The following BLTP1 variants were observed in gnomAD, a reference collection of about 807,000 sequenced individuals.
BLTP1 encodes the protein bridge-like lipid transfer protein family member 1.
chr4:122,253,079 T>G, the BLTP1 span, among the ~76,000 whole-genome samples: 67 of 152,290 alleles, frequency 4.4e-4, 2 homozygotes, highest in East Asian at 9.7e-3. Flanking sequence ...GCAAGAACAG[T>G]GATACAGGGC....
chr4:122,247,785 T>C, the BLTP1 span: 1 of 997,794 alleles, frequency 1.0e-6, no homozygotes, highest in Admixed American at 5.4e-5. Flanking sequence ...ACAGCAGCAA[T>C]AAGGTGACAC....
At chr4:122,295,493 A>G in the BLTP1 span, among the ~76,000 whole-genome samples, 70 of 152,150 alleles carry the variant, frequency 4.6e-4, no homozygotes, top group Admixed American at 2.1e-3. Flanking sequence ...CCAACCTAGA[A>G]TTTCACATCT....
At chr4:122,269,118 A>G in the BLTP1 span, 1 of 944,794 alleles carries the variant, frequency 1.1e-6, no homozygotes, top group African/African-American at 1.8e-5. Context: ...AGCTAAATTT[A>G]TATTTAAATT....
chr4:122,349,098 C>A, the BLTP1 span: 33 of 1,361,790 alleles, frequency 2.4e-5, no homozygotes, highest in Non-Finnish European at 3.1e-5. This position sits in a 1 kb window ranked among gnomAD's most constrained non-coding sequence, Gnocchi z 4.5. Context: ...TAATTTAAAT[C>A]CTGTTTTAAT....
chr4:122,219,208 C>T, the BLTP1 span: 2 of 1,444,270 alleles, frequency 1.4e-6, no homozygotes, highest in Non-Finnish European at 1.8e-6. Flanking sequence ...TATTTTAAGA[C>T]AATAGGCCTG....
chr4:122,251,582 A>G, the BLTP1 span: 1 of 985,120 alleles, frequency 1.0e-6, no homozygotes, highest in East Asian at 1.1e-4. Flanking sequence ...CACTGGACAA[A>G]AGAGCTGAGA....
the BLTP1 span, chr4:122,203,779 T>C: frequency 3.9e-5 from 18 of 457,234 alleles, no homozygotes; most frequent in African/African-American, 6.3e-5. Context: ...TTTAAATTAG[T>C]TATTAAAGAA....
At chr4:122,215,815 G>A in the BLTP1 span, among the ~76,000 whole-genome samples, 1,037 of 148,338 alleles carry the variant, frequency 7.0e-3, 11 homozygotes, top group African/African-American at 0.025. Flanking sequence ...TATACTCAAC[G>A]TGTAGTCTTT....
At chr4:122,226,726 G>A in the BLTP1 span, 1 of 1,613,454 alleles carries the variant, frequency 6.2e-7, no homozygotes, top group South Asian at 1.1e-5. Flanking sequence ...CTCTTGGAGT[G>A]GGGACAGACA....
the BLTP1 span, chr4:122,343,869 GATTA>G: frequency 1.3e-6 from 1 of 758,584 alleles, no homozygotes; most frequent in East Asian, 1.3e-4. Flanking sequence ...GGATATCAGA[GATTA>G]CTTATGTTAT....
At chr4:122,230,085 A>G in the BLTP1 span, 3 of 1,614,062 alleles carry the variant, frequency 1.9e-6, no homozygotes, top group East Asian at 2.2e-5. Flanking sequence ...CGGAGGGCCT[A>G]TTGGCTTGAA....
At chr4:122,178,153 T>G in the BLTP1 span, 9 of 847,192 alleles carry the variant, frequency 1.1e-5, no homozygotes, top group Non-Finnish European at 1.1e-5. Flanking sequence ...AAACCTAAAA[T>G]ATGATATGTT....
At chr4:122,200,917 A>C in the BLTP1 span, 6 of 1,498,416 alleles carry the variant, frequency 4.0e-6, no homozygotes, top group Non-Finnish European at 5.3e-6. Flanking sequence ...TGTTTTAATT[A>C]CTCACTAGCG....
chr4:122,170,175 G>C, the BLTP1 span: 1 of 305,620 alleles, frequency 3.3e-6, no homozygotes, highest in East Asian at 1.7e-4. Context: ...GCGTGGTGAC[G>C]CATGCCTGTA....
At chr4:122,181,081 G>C in the BLTP1 span, among the ~76,000 whole-genome samples, 1 of 152,090 alleles carries the variant, frequency 6.6e-6, no homozygotes, top group Non-Finnish European at 1.5e-5. Flanking sequence ...TGGTCTTACA[G>C]TTTATTTTCC....
the BLTP1 span, among the ~76,000 whole-genome samples, chr4:122,236,439 T>G: frequency 1.3e-5 from 2 of 152,212 alleles, no homozygotes; most frequent in African/African-American, 4.8e-5. Flanking sequence ...TTTTAAAGAT[T>G]TACACTGGCA....
the BLTP1 span, chr4:122,244,745 A>G: frequency 2.0e-6 from 1 of 500,484 alleles, no homozygotes. Context: ...CATATAAATG[A>G]AGAACACAGG....
the BLTP1 span, chr4:122,209,748 G>A: frequency 6.5e-7 from 1 of 1,540,012 alleles, no homozygotes; most frequent in Non-Finnish European, 8.7e-7. Flanking sequence ...TTGATTATCT[G>A]CAACTGGTAT....
At chr4:122,190,587 A>G in the BLTP1 span, 1 of 619,846 alleles carries the variant, frequency 1.6e-6, no homozygotes, top group African/African-American at 2.0e-5. Flanking sequence ...ATAGATTAAA[A>G]GAGAACATTA....
Sources: gnomAD v4.1 joint callset for allele counts (sites outside exome capture counted in the v4.1 genomes callset) on GRCh38, gnomAD v4.1.1 for gene constraint, Gnocchi (gnomAD v3.1) non-coding constraint, MANE v1.5 for transcripts, NCBI Gene and HGNC (gene_info 2026-07-23, HGNC 2026-07-21) for gene names.